HSD17B11: variants seen among roughly 807,000 people sequenced by gnomAD.
HSD17B11 encodes the protein estradiol 17-beta-dehydrogenase 11.
HSD17B11 carries 22 observed loss-of-function variants against 27.8 expected under a neutral mutation model. That is an observed-to-expected ratio of 0.79 (90% CI 0.56 to 1.13). The LOEUF is 1.13. Among genes scored for constraint, HSD17B11 ranks in the 50% most tolerant of loss-of-function variants. The pLI is 0.00. For missense variants in HSD17B11, 314 were observed against 351.1 expected (o/e 0.89, Z 0.84); for synonymous variants, 117 against 132.8 (o/e 0.88, Z 0.82).
At chr4:87,356,076 T>C in intron 5 of HSD17B11, among the ~76,000 whole-genome samples, 1 of 152,202 alleles carries the variant, frequency 6.6e-6, no homozygotes, top group South Asian at 2.1e-4. Flanking sequence ...AGATGATTCT[T>C]CGCGTACTGG....
intron 5 of HSD17B11, 84 bp from the exon 6 acceptor site, chr4:87,340,690 G>T: frequency 1.2e-6 from 1 of 827,696 alleles, no homozygotes; most frequent in South Asian, 1.5e-5. Flanking sequence ...GCTTTAGTAT[G>T]GTACAGACAC....
intron 4 of HSD17B11, among the ~76,000 whole-genome samples, chr4:87,360,007 A>G (rs1411085920): frequency 2.0e-5 from 3 of 152,230 alleles, no homozygotes; most frequent in Non-Finnish European, 2.9e-5. Flanking sequence ...TGGAAAAATC[A>G]TAATATAAAA....
chr4:87,343,193 A>G (rs1560758041), intron 5 of HSD17B11, among the ~76,000 whole-genome samples: 2 of 152,212 alleles, frequency 1.3e-5, no homozygotes, highest in Non-Finnish European at 2.9e-5. Flanking sequence ...TTGAAATACA[A>G]TGACTGTTCA....
At chr4:87,357,540 G>C (rs1427830628) in intron 4 of HSD17B11, 124 bp from the exon 5 acceptor site, 1 of 802,026 alleles carries the variant, frequency 1.2e-6, no homozygotes, top group Non-Finnish European at 1.9e-6. Flanking sequence ...CCAGCCCAGA[G>C]CTACTGCATC....
At chr4:87,378,798 TA>T (rs1305767932) in intron 2 of HSD17B11, among the ~76,000 whole-genome samples, 1 of 44,644 alleles carries the variant, frequency 2.2e-5, no homozygotes, top group Non-Finnish European at 3.7e-5. Flanking sequence ...TATATGATTT[TA>T]TATATATATA....
At chr4:87,367,243 T>C (rs1735627830) in intron 4 of HSD17B11, among the ~76,000 whole-genome samples, 1 of 152,214 alleles carries the variant, frequency 6.6e-6, no homozygotes. Flanking sequence ...GAATCAAACT[T>C]GACTTGTAAA....
chr4:87,357,949 A>ATTTTTTTTT lies in HSD17B11; in HGVS notation c.558-542_558-534dup, dbSNP rs57139706. Among the ~76,000 whole-genome samples, 503 of 80,190 alleles carry ATTTTTTTTT rather than the reference A, an allele frequency of 6.3e-3. 50 individuals carry two copies. The highest frequency in any genetic ancestry group is 0.011 in the Middle Eastern group (1 of 92). 52.6% of individuals were successfully genotyped at this position (80,190 alleles called of 152,430 possible). A position where few individuals can be genotyped will look rare whatever the true frequency, so the allele number is the denominator to read the frequency against. On this transcript the variant is annotated intron_variant, in intron 4 of 6. Coordinates refer to ENST00000358290, the MANE Select transcript of HSD17B11 (RefSeq NM_016245.5). ...TTGTAACTGAACATTCATTAGAGAA[A>ATTTTTTTTT]TTTTTTTTTTTTTTTTTTTTTTTTT...
At chr4:87,366,484 A>T (rs1227527310) in intron 4 of HSD17B11, among the ~76,000 whole-genome samples, 1 of 152,228 alleles carries the variant, frequency 6.6e-6, no homozygotes, top group Non-Finnish European at 1.5e-5. Context: ...AAGCATTCTC[A>T]AATGTGAAAC....
intron 1 of HSD17B11, among the ~76,000 whole-genome samples, chr4:87,389,777 T>C (rs1720408707): frequency 6.6e-6 from 1 of 152,292 alleles, no homozygotes; most frequent in Admixed American, 6.5e-5. Context: ...TAGAAACCCC[T>C]TTGTTCATCT....
At chr4:87,344,426 A>C (rs1735229708) in intron 5 of HSD17B11, among the ~76,000 whole-genome samples, 1 of 152,238 alleles carries the variant, frequency 6.6e-6, no homozygotes, top group Non-Finnish European at 1.5e-5. Flanking sequence ...GAGATAATTT[A>C]TTTCAGGAAA....
chr4:87,341,583 C>T (rs901006756), intron 5 of HSD17B11, among the ~76,000 whole-genome samples: 78 of 152,076 alleles, frequency 5.1e-4, no homozygotes, highest in African/African-American at 1.8e-3. Context: ...CTGGGTGTGA[C>T]GGTTCAGGCC....
At chr4:87,343,751 T>C (rs62305729) in intron 5 of HSD17B11, among the ~76,000 whole-genome samples, 25,969 of 152,022 alleles carry the variant, frequency 0.17, 2,388 homozygotes, top group African/African-American at 0.23. Context: ...TTTCACCATG[T>C]TAGCCAGGCT....
At chr4:87,370,720 A>ATATTATTATTAT (rs1165770162) in intron 4 of HSD17B11, among the ~76,000 whole-genome samples, 3 of 75,408 alleles carry the variant, frequency 4.0e-5, no homozygotes, top group East Asian at 3.0e-4. Context: ...CCTGGCCTAG[A>ATATTATTATTAT]TATTATTATT....
At chr4:87,390,831 C>T in intron 1 of HSD17B11, 30 bp downstream of exon 1, 1 of 1,592,402 alleles carries the variant, frequency 6.3e-7, no homozygotes, top group Non-Finnish European at 8.6e-7. Flanking sequence ...TTAAAGGTAC[C>T]AGAAAGTAAA....
Position 87,357,353 on chromosome 4 carries a change from T to G in HSD17B11, c.621A>C (p.Gln207His). 1 of 1,613,954 alleles carries G rather than the reference T, an allele frequency of 6.2e-7. No homozygotes were observed. The highest frequency in any genetic ancestry group is 8.5e-7 in the Non-Finnish European group (1 of 1,179,940). Reference protein sequence around the residue: ...KTLTDELAALQITGVKTTCLC... With the variant: ...KTLTDELAALHITGVKTTCLC... Reference sequence around the variant, plus strand: ...GACATGTTGTTTTGACTCCAGTTATTTGTAAGGCAGCCAGTTCATCTGTCA... The same window carrying G: ...GACATGTTGTTTTGACTCCAGTTATGTGTAAGGCAGCCAGTTCATCTGTCA... Residue 207 changes from glutamine to histidine, a missense_variant, in exon 5 of 7, where the codon CAA becomes CAC. Coordinates refer to ENST00000358290, the MANE Select transcript of HSD17B11 (RefSeq NM_016245.5).
At chr4:87,383,746 C>CTT (rs397946047) in intron 1 of HSD17B11, among the ~76,000 whole-genome samples, 3,170 of 111,646 alleles carry the variant, frequency 0.028, 108 homozygotes, top group African/African-American at 0.087. Context: ...CAATTTTTGC[C>CTT]TTTTTTTTTT....
chr4:87,375,682 G>A (rs147480494), intron 2 of HSD17B11, among the ~76,000 whole-genome samples: 155 of 152,258 alleles, frequency 1.0e-3, no homozygotes, highest in African/African-American at 3.6e-3. Context: ...CGGAAGTTGC[G>A]GTGAGCTGAG....
intron 4 of HSD17B11, among the ~76,000 whole-genome samples, chr4:87,366,642 G>A (rs1025885043): frequency 6.6e-6 from 1 of 152,130 alleles, no homozygotes; most frequent in East Asian, 1.9e-4. Context: ...TGCCACAAAA[G>A]TAACCAAATT....
intron 4 of HSD17B11, among the ~76,000 whole-genome samples, chr4:87,361,675 G>A (rs1287766025): frequency 2.0e-5 from 3 of 152,200 alleles, no homozygotes; most frequent in African/African-American, 7.2e-5. Flanking sequence ...GCTGAGGCAG[G>A]AGAATGGCGT....
Sources: allele counts gnomAD v4.1 joint callset (sites outside exome capture counted in the v4.1 genomes callset), GRCh38; gene constraint gnomAD v4.1.1; transcripts MANE v1.5; gene names NCBI Gene and HGNC (gene_info 2026-07-23, HGNC 2026-07-21).